Variants in PTPRD observed in about 807,000 individuals in gnomAD.
PTPRD encodes protein tyrosine phosphatase receptor type D, also known as receptor-type tyrosine-protein phosphatase delta.
A neutral mutation model predicts 214.5 loss-of-function variants in PTPRD; 34 were observed. The observed-to-expected ratio is 0.16, with a 90% confidence interval of 0.12 to 0.21. The LOEUF (loss-of-function observed/expected upper bound fraction) is 0.21. Among genes scored for constraint, PTPRD ranks in the 10% least tolerant of loss-of-function variants. The pLI is 1.00. For missense variants in PTPRD, 2,545 were observed against 2,398.7 expected, an observed-to-expected ratio of 1.06 and a Z score of -1.27; for synonymous variants, 1,128 against 845.7, an observed-to-expected ratio of 1.33 and a Z score of -5.79.
chr9:10,414,303 G>T (rs528199008), intron 2 of PTPRD, among the ~76,000 whole-genome samples: 1 of 151,912 alleles, frequency 6.6e-6, no homozygotes, highest in Non-Finnish European at 1.5e-5. Context: ...CTTTTCAAAA[G>T]AAGACATACA....
intron 4 of PTPRD, among the ~76,000 whole-genome samples, chr9:9,960,324 T>C (rs2094271504): frequency 6.6e-6 from 1 of 150,640 alleles, no homozygotes; most frequent in East Asian, 1.9e-4. Flanking sequence ...AAATAAGAGG[T>C]GATGAGGAAA....
chr9:9,371,485 T>C (rs2059478715), intron 9 of PTPRD, among the ~76,000 whole-genome samples: 1 of 152,224 alleles, frequency 6.6e-6, no homozygotes, highest in South Asian at 2.1e-4. Context: ...TTATTGCGTC[T>C]ATTTGATTCT....
At chr9:8,784,856 C>A (rs2095873536) in intron 11 of PTPRD, among the ~76,000 whole-genome samples, 1 of 152,150 alleles carries the variant, frequency 6.6e-6, no homozygotes, top group South Asian at 2.1e-4. Context: ...TTACAGTTAT[C>A]ATTTACATCT....
intron 34 of PTPRD, among the ~76,000 whole-genome samples, chr9:8,445,721 T>A (rs550331180): frequency 4.6e-5 from 7 of 152,312 alleles, no homozygotes; most frequent in African/African-American, 1.7e-4. Flanking sequence ...AATTCCATAT[T>A]GTCTCTGATG....
At chr9:10,129,933 G>A (rs199748242) in intron 3 of PTPRD, among the ~76,000 whole-genome samples, 8 of 115,884 alleles carry the variant, frequency 6.9e-5, no homozygotes, top group Non-Finnish European at 1.5e-4. Context: ...ATAACCAAAT[G>A]TTTTTTTTTA....
intron 34 of PTPRD, among the ~76,000 whole-genome samples, chr9:8,443,981 G>A (rs2095635998): frequency 6.6e-6 from 1 of 152,068 alleles, no homozygotes; most frequent in Non-Finnish European, 1.5e-5. Flanking sequence ...TAAAGGCCAT[G>A]GGCCAGAGGG....
intron 3 of PTPRD, among the ~76,000 whole-genome samples, chr9:10,159,217 T>C (rs1038891373): frequency 2.6e-5 from 4 of 151,204 alleles, no homozygotes; most frequent in South Asian, 2.1e-4. Flanking sequence ...TGAATGAAAA[T>C]ACAAAGAAAG....
chr9:9,042,614 C>CTTTTTTTTTTTTTT (rs775574124), intron 10 of PTPRD, among the ~76,000 whole-genome samples: 4 of 112,472 alleles, frequency 3.6e-5, no homozygotes, highest in Non-Finnish European at 5.5e-5. Context: ...TCTTTTTTTT[C>CTTTTTTTTTTTTTT]TTTTCTTTTT....
chr9:9,768,278 T>C (rs1311337539), intron 5 of PTPRD, among the ~76,000 whole-genome samples: 1 of 152,192 alleles, frequency 6.6e-6, no homozygotes, highest in Non-Finnish European at 1.5e-5. Context: ...AAAGATTAAA[T>C]GAGTCATTAC....
At chr9:9,483,364 G>A (rs993931652) in intron 8 of PTPRD, among the ~76,000 whole-genome samples, 2 of 152,164 alleles carry the variant, frequency 1.3e-5, no homozygotes, top group African/African-American at 4.8e-5. Flanking sequence ...GATGCGTGAA[G>A]ATTGACATGT....
chr9:9,251,343 T>C (rs749486034), intron 9 of PTPRD, among the ~76,000 whole-genome samples: 1 of 152,092 alleles, frequency 6.6e-6, no homozygotes, highest in Non-Finnish European at 1.5e-5. Flanking sequence ...CAATACTTCA[T>C]CCCTGCCTAC....
At chr9:10,302,828 C>A (rs1016458625) in intron 3 of PTPRD, among the ~76,000 whole-genome samples, 3 of 152,124 alleles carry the variant, frequency 2.0e-5, no homozygotes, top group South Asian at 2.1e-4. Flanking sequence ...AACTGTAACA[C>A]CCCACTGTCA....
At chr9:10,058,405 T>TA (rs973880753) in intron 3 of PTPRD, among the ~76,000 whole-genome samples, 64 of 152,148 alleles carry the variant, frequency 4.2e-4, no homozygotes, top group Admixed American at 1.2e-3. Context: ...CACTTCCCTT[T>TA]AAAAAAACCA....
At chr9:8,708,437 G>A (rs1326659818) in intron 12 of PTPRD, among the ~76,000 whole-genome samples, 2 of 151,964 alleles carry the variant, frequency 1.3e-5, no homozygotes, top group African/African-American at 4.8e-5. Flanking sequence ...ACTTTGGGAG[G>A]CCGAGGTGGG....
chr9:9,736,526 G>C (rs1156418508), intron 6 of PTPRD, among the ~76,000 whole-genome samples: 2 of 152,064 alleles, frequency 1.3e-5, no homozygotes, highest in Non-Finnish European at 2.9e-5. Flanking sequence ...TACTGGGTCA[G>C]AAAATATGCC....
chr9:10,427,959 C>A (rs1247635613), intron 2 of PTPRD, among the ~76,000 whole-genome samples: 1 of 152,040 alleles, frequency 6.6e-6, no homozygotes, highest in East Asian at 1.9e-4. Flanking sequence ...CAGTTGCATG[C>A]ATGTTTGTAT....
intron 3 of PTPRD, among the ~76,000 whole-genome samples, chr9:10,231,989 AGTGTGT>A (rs61314978): frequency 7.0e-4 from 65 of 92,496 alleles, no homozygotes; most frequent in South Asian, 5.7e-3. Context: ...AGAGAGAGAG[AGTGTGT>A]GTGTGTGTGT....
intron 8 of PTPRD, among the ~76,000 whole-genome samples, chr9:9,445,541 T>C (rs2090088813): frequency 6.6e-6 from 1 of 152,092 alleles, no homozygotes; most frequent in East Asian, 1.9e-4. Context: ...CTCAGGAAAC[T>C]TACAATCATG....
chr9:9,176,784 G>A (rs530120946), intron 10 of PTPRD, among the ~76,000 whole-genome samples: 1 of 152,194 alleles, frequency 6.6e-6, no homozygotes, highest in South Asian at 2.1e-4. Flanking sequence ...CCCTTGCCAG[G>A]TGCTGGTGCC....
Sources: gnomAD v4.1 joint callset for allele counts (sites outside exome capture counted in the v4.1 genomes callset) on GRCh38, gnomAD v4.1.1 for gene constraint, MANE v1.5 for transcripts, NCBI Gene and HGNC (gene_info 2026-07-23, HGNC 2026-07-21) for gene names.